The following CTNND2 variants were observed in gnomAD, a reference collection of about 807,000 sequenced individuals.
CTNND2 encodes catenin delta-2.
CTNND2 carries 22 observed loss-of-function variants against 144.4 expected under a neutral mutation model. The ratio of observed to expected loss-of-function variants is 0.15; its 90% CI spans 0.11 to 0.22. The LOEUF is 0.22. Among genes scored for constraint, CTNND2 ranks in the 10% least tolerant of loss-of-function variants. CTNND2 has a pLI of 1.00. For missense variants in CTNND2, 1,353 were observed against 1,618.8 expected (o/e 0.84, Z 2.82); for synonymous variants, 751 against 695.6 (o/e 1.08, Z -1.25).
chr5:11,757,437 G>T (rs566773354), intron 1 of CTNND2, among the ~76,000 whole-genome samples: 2 of 151,842 alleles, frequency 1.3e-5, no homozygotes, highest in African/African-American at 4.8e-5. Context: ...TTATAAGGGT[G>T]TATGTGTGTA....
Position 11,098,724 on chromosome 5 carries a change from C to T in CTNND2, c.2488G>A (p.Asp830Asn), listed in dbSNP as rs1328841907. Residue 830 changes from aspartate (D) to asparagine (N), a missense_variant, in exon 15 of 22, where the codon GAC becomes AAC. Physicochemically the swap from Asp to Asn is conservative, Grantham distance 23. Coordinates refer to ENST00000304623, the MANE Select transcript of CTNND2 (RefSeq NM_001332.4). The stretch of plus-strand genomic sequence containing the variant: ...ATCCCTTTTGGTGGTTCAGCACAGT[C>T]TGGAAGAGGTCCTACTCCATCCCAC... The part of the protein sequence containing the change: ...DQWDGVGPLP[D>N]CAEPPKGIQM... 6.2e-7 allele frequency: 1 copy of T among 1,614,004 alleles called. No homozygotes were observed. The highest frequency in any genetic ancestry group is 8.5e-7 in the Non-Finnish European group (1 of 1,180,002).
At chr5:11,280,747 T>C (rs1747030045) in intron 9 of CTNND2, among the ~76,000 whole-genome samples, 1 of 152,198 alleles carries the variant, frequency 6.6e-6, no homozygotes, top group Non-Finnish European at 1.5e-5. Context: ...TGGCAATCCC[T>C]GAGCACTTTC....
chr5:11,281,146 T>C (rs1747069780), intron 9 of CTNND2, among the ~76,000 whole-genome samples: 1 of 152,242 alleles, frequency 6.6e-6, no homozygotes, highest in East Asian at 1.9e-4. Flanking sequence ...GGCCTTTTAA[T>C]GGCAGACGTT....
intron 1 of CTNND2, among the ~76,000 whole-genome samples, chr5:11,868,302 T>C (rs936366020): frequency 4.6e-5 from 7 of 152,110 alleles, no homozygotes; most frequent in Admixed American, 1.3e-4. Flanking sequence ...AATTCCACCA[T>C]AGGGCAGTCT....
chr5:11,297,033 A>T (rs1268773271), intron 9 of CTNND2, among the ~76,000 whole-genome samples: 1 of 152,244 alleles, frequency 6.6e-6, no homozygotes, highest in East Asian at 1.9e-4. Flanking sequence ...TGTGATCATT[A>T]ATAATATTAA....
chr5:11,835,549 G>T (rs992000699), intron 1 of CTNND2, among the ~76,000 whole-genome samples: 3 of 152,058 alleles, frequency 2.0e-5, no homozygotes, highest in Non-Finnish European at 4.4e-5. Flanking sequence ...GGTAGTTTGT[G>T]TTTCTTGAGG....
At chr5:11,061,947 G>T (rs1747036491) in intron 16 of CTNND2, among the ~76,000 whole-genome samples, 1 of 152,130 alleles carries the variant, frequency 6.6e-6, no homozygotes. Context: ...GACCTCAGGT[G>T]ATCTGTCTGC....
chr5:11,458,021 A>T (rs2149927241), intron 3 of CTNND2, among the ~76,000 whole-genome samples: 1 of 152,318 alleles, frequency 6.6e-6, no homozygotes, highest in Middle Eastern at 3.4e-3. Flanking sequence ...TGTTTTCATG[A>T]CATGATAACA....
At position 11,399,164 on chromosome 5, in the gene CTNND2, C is replaced by T. The variant is rs540001220; in HGVS notation, c.440-1961G>A. 3.2e-4 allele frequency among the ~76,000 whole-genome samples: 48 copies of T among 152,306 alleles called. No homozygotes were observed. The South Asian group carries it at 9.7e-3, about 31-fold the overall frequency. On this transcript the variant is annotated intron_variant, in intron 5 of 21. Coordinates refer to ENST00000304623, the MANE Select transcript of CTNND2 (RefSeq NM_001332.4). ...CTACCTGACAAAGGAGGGCTGCCTG[C>T]TGCAGCTTTCTTGGTTCTTTCTTTT...
chr5:11,465,151 AC>A (rs1221289705), intron 3 of CTNND2, among the ~76,000 whole-genome samples: 1 of 152,208 alleles, frequency 6.6e-6, no homozygotes, highest in African/African-American at 2.4e-5. Flanking sequence ...AAGATATTTT[AC>A]ATTTTTGCAG....
At chr5:11,275,884 G>A (rs1223351301) in intron 9 of CTNND2, among the ~76,000 whole-genome samples, 1 of 152,204 alleles carries the variant, frequency 6.6e-6, no homozygotes, top group Non-Finnish European at 1.5e-5. Flanking sequence ...GCCAGCCAGA[G>A]AAACATACAA....
At chr5:11,138,195 A>T (rs1756349782) in intron 12 of CTNND2, among the ~76,000 whole-genome samples, 1 of 152,118 alleles carries the variant, frequency 6.6e-6, no homozygotes, top group Admixed American at 6.6e-5. Context: ...GCCAGCCGTG[A>T]TCTCTCATTC....
chr5:11,198,702 G>A (rs573780626), intron 11 of CTNND2, among the ~76,000 whole-genome samples: 43 of 152,342 alleles, frequency 2.8e-4, no homozygotes, highest in East Asian at 7.7e-4. Flanking sequence ...GCCTGATTAA[G>A]ATGAGTAAGC....
At chr5:11,835,180 A>T (rs776649896) in intron 1 of CTNND2, among the ~76,000 whole-genome samples, 5 of 152,120 alleles carry the variant, frequency 3.3e-5, no homozygotes, top group Non-Finnish European at 5.9e-5. Flanking sequence ...GAAGAAAACA[A>T]TTTTTTTATA....
chr5:11,447,354 A>AAT (rs1353439379), intron 3 of CTNND2, among the ~76,000 whole-genome samples: 1 of 152,010 alleles, frequency 6.6e-6, no homozygotes, highest in African/African-American at 2.4e-5. Context: ...AAAAAAAAAA[A>AAT]AGACAAACAA....
At chr5:11,726,985 A>G (rs2126730779) in intron 2 of CTNND2, among the ~76,000 whole-genome samples, 1 of 152,330 alleles carries the variant, frequency 6.6e-6, no homozygotes. Flanking sequence ...ATAAGAGAGC[A>G]TCAGGAAGCA....
chr5:11,172,287 G>C (rs1194626686), intron 11 of CTNND2, among the ~76,000 whole-genome samples: 1 of 152,056 alleles, frequency 6.6e-6, no homozygotes, highest in Non-Finnish European at 1.5e-5. Flanking sequence ...ACCAACATCA[G>C]CTTCCTCCTG....
chr5:11,148,807 A>C (rs1274775453), intron 12 of CTNND2, among the ~76,000 whole-genome samples: 1 of 152,194 alleles, frequency 6.6e-6, no homozygotes, highest in South Asian at 2.1e-4. Flanking sequence ...ATTTCCCCTC[A>C]AACAGGAATG....
chr5:11,759,203 T>TA (rs397802658), intron 1 of CTNND2, among the ~76,000 whole-genome samples: 1 of 151,704 alleles, frequency 6.6e-6, no homozygotes, highest in Non-Finnish European at 1.5e-5. Context: ...ACTGTTTTTT[T>TA]AACAAACTTT....
Sources: allele counts gnomAD v4.1 joint callset (sites outside exome capture counted in the v4.1 genomes callset), GRCh38; gene constraint gnomAD v4.1.1; transcripts MANE v1.5; gene names NCBI Gene and HGNC (gene_info 2026-07-23, HGNC 2026-07-21).